DAB1: variants seen among roughly 807,000 people sequenced by gnomAD.
The protein encoded by DAB1 is disabled homolog 1.
DAB1 carries 15 observed loss-of-function variants against 64.6 expected under a neutral mutation model. The ratio of observed to expected loss-of-function variants is 0.23; its 90% confidence interval spans 0.16 to 0.36. The LOEUF (loss-of-function observed/expected upper bound fraction) is 0.36. Among genes scored for constraint, DAB1 ranks in the 10% least tolerant of loss-of-function variants. The probability of loss-of-function intolerance (pLI) is 1.00; values close to 1 mark genes in which losing one functional copy is unlikely to be tolerated. For missense variants in DAB1, 596 were observed against 706.7 expected, an observed-to-expected ratio of 0.84 and a Z score of 1.78; for synonymous variants, 235 against 251.9, an observed-to-expected ratio of 0.93 and a Z score of 0.64.
intron 4 of DAB1, among the ~76,000 whole-genome samples, chr1:57,074,580 T>A (rs1250197125): frequency 6.6e-6 from 1 of 152,182 alleles, no homozygotes; most frequent in East Asian, 1.9e-4. Flanking sequence ...TATAAATCAT[T>A]TGTGGCAGCA....
rs1051832914 is a variant in DAB1, at chr1:57,644,432, T to A, written n.625+5160A>T. Among the ~76,000 whole-genome samples the A allele has an allele frequency of 2.0e-5, 3 of 152,278 alleles. No homozygotes were observed. The East Asian group carries it at 5.8e-4, about 29-fold the overall frequency. ...GCTAGAAAATAAATGTGCTGCCTTA[T>A]GAAGTAGGGAATTCCCTATTATAAA... On this transcript the variant is annotated intron_variant and non_coding_transcript_variant, in intron 7 of 20. Coordinates refer to the DAB1 transcript ENST00000485760.
At chr1:58,491,466 T>A (rs1468297126) in intron 3 of DAB1, among the ~76,000 whole-genome samples, 2 of 152,100 alleles carry the variant, frequency 1.3e-5, no homozygotes, top group Non-Finnish European at 2.9e-5. Flanking sequence ...AGACACAGAC[T>A]GGCAAATTGG....
At chr1:57,570,708 G>T in intron 7 of DAB1, among the ~76,000 whole-genome samples, 1 of 152,078 alleles carries the variant, frequency 6.6e-6, no homozygotes, top group East Asian at 1.9e-4. Context: ...CAAACAACTA[G>T]GATTATTTTT....
At chr1:57,898,683 G>T (rs193263356) in intron 5 of DAB1, among the ~76,000 whole-genome samples, 15 of 152,334 alleles carry the variant, frequency 9.8e-5, no homozygotes, top group Admixed American at 9.2e-4. Flanking sequence ...TATGATCCCT[G>T]TTGAGTTACT....
chr1:58,000,181 G>A (rs1646485312), intron 5 of DAB1, among the ~76,000 whole-genome samples: 1 of 152,136 alleles, frequency 6.6e-6, no homozygotes, highest in South Asian at 2.1e-4. Flanking sequence ...TAGAGCCTGG[G>A]AGCTACATAG....
chr1:57,698,978 C>T (rs1462675328), intron 6 of DAB1, among the ~76,000 whole-genome samples: 3 of 152,178 alleles, frequency 2.0e-5, no homozygotes, highest in Non-Finnish European at 4.4e-5. Flanking sequence ...TTCTCCATTG[C>T]CCAGGCTAGA....
chr1:57,458,516 C>T (rs1210522983), intron 7 of DAB1, among the ~76,000 whole-genome samples: 1 of 151,734 alleles, frequency 6.6e-6, no homozygotes, highest in Non-Finnish European at 1.5e-5. Flanking sequence ...CTTTTACTAA[C>T]TTCCAAATTC....
intron 4 of DAB1, among the ~76,000 whole-genome samples, chr1:58,327,409 A>C (rs1045052747): frequency 5.3e-5 from 8 of 152,170 alleles, no homozygotes; most frequent in African/African-American, 1.9e-4. Context: ...CTCCTGATTA[A>C]TGATCCCATT....
At chr1:57,274,607 G>T (rs1671305658) in intron 2 of DAB1, among the ~76,000 whole-genome samples, 2 of 152,154 alleles carry the variant, frequency 1.3e-5, no homozygotes, top group South Asian at 4.1e-4. Flanking sequence ...TTGAGATGGA[G>T]TCTTGCTCTG....
intron 4 of DAB1, among the ~76,000 whole-genome samples, chr1:58,201,396 T>G (rs909585429): frequency 6.6e-6 from 1 of 152,238 alleles, no homozygotes; most frequent in African/African-American, 2.4e-5. Flanking sequence ...GACATAGCGC[T>G]CTTTCTAAGT....
At chr1:58,189,874 A>C (rs1224483121) in intron 4 of DAB1, among the ~76,000 whole-genome samples, 1 of 152,158 alleles carries the variant, frequency 6.6e-6, no homozygotes, top group African/African-American at 2.4e-5. Context: ...GGGCTACTGG[A>C]AGACAGTCTT....
intron 1 of DAB1, among the ~76,000 whole-genome samples, chr1:57,367,118 T>TAATAAAATAAAATA (rs1553173338): frequency 1.5e-5 from 2 of 129,936 alleles, no homozygotes; most frequent in East Asian, 5.2e-4. Flanking sequence ...TAAAATAAAA[T>TAATAAAATAAAATA]AAATAAATTA....
intron 4 of DAB1, among the ~76,000 whole-genome samples, chr1:58,188,695 T>C (rs1403405902): frequency 6.6e-6 from 1 of 152,234 alleles, no homozygotes; most frequent in African/African-American, 2.4e-5. Context: ...TTTTAACAAC[T>C]TGTAATTCAT....
intron 5 of DAB1, among the ~76,000 whole-genome samples, chr1:58,025,646 T>A: frequency 2.0e-5 from 1 of 50,298 alleles, no homozygotes; most frequent in South Asian, 6.6e-4. Context: ...TATATATATA[T>A]GTGTGTATAT....
chr1:58,093,184 A>G (rs2100615850), intron 5 of DAB1, among the ~76,000 whole-genome samples: 1 of 152,304 alleles, frequency 6.6e-6, no homozygotes, highest in African/African-American at 2.4e-5. Context: ...CTCCTGTACA[A>G]GTGGAGGCCC....
At chr1:57,312,703 T>C (rs1486668147) in intron 1 of DAB1, among the ~76,000 whole-genome samples, 1 of 151,992 alleles carries the variant, frequency 6.6e-6, no homozygotes, top group African/African-American at 2.4e-5. Context: ...GTGCCTTGAA[T>C]GTAAAATGGC....
chr1:57,951,252 G>C lies in DAB1; in HGVS notation n.388-67090C>G, dbSNP rs887322132. On this transcript the variant is annotated intron_variant and non_coding_transcript_variant, in intron 5 of 20. Coordinates refer to the DAB1 transcript ENST00000485760. ...GGAAGGAAAGGAAGGATAGACATTGGGGGGTGAGGGGGGTAGTCTTTTGTA... is the reference window on the plus strand; with the variant it reads ...GGAAGGAAAGGAAGGATAGACATTGCGGGGTGAGGGGGGTAGTCTTTTGTA... Among the ~76,000 whole-genome samples the C allele has an allele frequency of 2.7e-5, 4 of 145,868 alleles. No individual in the cohort carries two copies. In the East Asian group the frequency reaches 5.9e-4, roughly 21 times the overall value.
chr1:57,736,502 G>A (rs1647699177), intron 6 of DAB1, among the ~76,000 whole-genome samples: 1 of 152,136 alleles, frequency 6.6e-6, no homozygotes, highest in African/African-American at 2.4e-5. Flanking sequence ...TCTAGGCTCA[G>A]GTACTTCACC....
At chr1:58,253,269 T>C (rs915427266) in intron 4 of DAB1, among the ~76,000 whole-genome samples, 6 of 152,222 alleles carry the variant, frequency 3.9e-5, no homozygotes, top group African/African-American at 1.4e-4. Context: ...TATCTATCTA[T>C]GTTCTTAAAT....
Sources: allele counts gnomAD v4.1 joint callset (sites outside exome capture counted in the v4.1 genomes callset), GRCh38; gene constraint gnomAD v4.1.1; transcripts MANE v1.5; gene names NCBI Gene and HGNC (gene_info 2026-07-23, HGNC 2026-07-21).